GALNT17: variants seen among roughly 807,000 people sequenced by gnomAD.
GALNT17 encodes the protein UDP-GalNAc:polypeptide N-acetylgalactosaminyltransferase-like 3.
GALNT17 carries 29 observed loss-of-function variants against 63.7 expected under a neutral mutation model. The ratio of observed to expected loss-of-function variants is 0.46; its 90% CI spans 0.34 to 0.62. The LOEUF is 0.62. GALNT17 is among the 20% of genes least tolerant of loss of function. The pLI, the probability that GALNT17 is intolerant of heterozygous loss-of-function variation, is 0.01. For missense variants in GALNT17, 603 were observed against 799.6 expected (o/e 0.75, Z 2.97); for synonymous variants, 305 against 318.3 (o/e 0.96, Z 0.45).
chr7:71,647,770 C>T (rs1448122760), intron 6 of GALNT17, among the ~76,000 whole-genome samples: 1 of 152,222 alleles, frequency 6.6e-6, no homozygotes, highest in Non-Finnish European at 1.5e-5. Flanking sequence ...CACCACCTGA[C>T]AGCAGTTCCA....
intron 6 of GALNT17, among the ~76,000 whole-genome samples, chr7:71,596,326 C>T (rs879498634): frequency 7.2e-5 from 11 of 152,126 alleles, no homozygotes; most frequent in Non-Finnish European, 1.5e-4. Context: ...GCGTGAGCCA[C>T]TGCACCTGGC....
rs565888559 is a variant in GALNT17 at position 71,608,053 on chromosome 7, C to T, written c.1080+36651C>T. Among the ~76,000 whole-genome samples the T allele has an allele frequency of 2.0e-5, 3 of 152,260 alleles. No homozygotes were observed. In the South Asian group the frequency reaches 6.2e-4, roughly 32 times the overall value. On this transcript the variant is annotated intron_variant, in intron 6 of 10. Transcript: ENST00000333538. ...TGACTCAGGGATCCAATCTGCATCC[C>T]ACTTACATGACATAGGGAGCCCATA...
chr7:71,281,873 T>C (rs1164619291), intron 1 of GALNT17, among the ~76,000 whole-genome samples: 1 of 152,230 alleles, frequency 6.6e-6, no homozygotes, highest in African/African-American at 2.4e-5. Context: ...AAGTGACCCA[T>C]AGATTTCAGG....
At chr7:71,616,710 T>TGTA (rs111057127) in intron 6 of GALNT17, among the ~76,000 whole-genome samples, 130,557 of 139,436 alleles carry the variant, frequency 0.94, 61,736 homozygotes, top group East Asian at 1. Flanking sequence ...TTGTGATTGA[T>TGTA]GTATATAATA....
At position 71,391,052 on chromosome 7, in the gene GALNT17, A is replaced by G. The variant is rs111419255; in HGVS notation, c.589+2651A>G. ...TTACTAGCATGTGGTGTGTCTGCAC[A>G]GTGGACTCTCTGAACTGGGTGGGAT... On this transcript the variant is annotated intron_variant, in intron 3 of 10. Coordinates refer to ENST00000333538, the MANE Select transcript of GALNT17 (RefSeq NM_022479.3). 1.3e-3 allele frequency among the ~76,000 whole-genome samples: 203 copies of G among 152,312 alleles called. 2 individuals are homozygous for G. Among genetic ancestry groups the G allele is most frequent in the East Asian group, 3.7e-3 (19 of 5,176 alleles).
intron 3 of GALNT17, among the ~76,000 whole-genome samples, chr7:71,397,377 T>C (rs1206391448): frequency 6.6e-6 from 1 of 152,074 alleles, no homozygotes; most frequent in Admixed American, 6.6e-5. Flanking sequence ...CTTCTGATCT[T>C]ATCAAGACCT....
rs79635265 is a variant in GALNT17, at chr7:71,662,131, G to A, written c.1081-3280G>A. ...ATAGTGCCAAGTCAGACTGGCTTGTGGGTTCTGTTCCCACTTGGCACCTGT... is the reference window on the plus strand; with the variant it reads ...ATAGTGCCAAGTCAGACTGGCTTGTAGGTTCTGTTCCCACTTGGCACCTGT... On this transcript the variant is annotated intron_variant, in intron 6 of 10. Transcript: ENST00000333538. Among the ~76,000 whole-genome samples the A allele has an allele frequency of 5.0e-3, 767 of 152,192 alleles. 11 individuals are homozygous for A. Among genetic ancestry groups the A allele is most frequent in the African/African-American group, 0.017 (721 of 41,532 alleles).
chr7:71,408,143 A>G (rs893272718), intron 3 of GALNT17, among the ~76,000 whole-genome samples: 2 of 152,212 alleles, frequency 1.3e-5, no homozygotes, highest in African/African-American at 4.8e-5. Context: ...GGTGCTGGCC[A>G]GTTCCACTAA....
At chr7:71,421,169 TGAGAGAGG>T in intron 5 of GALNT17, 64 bp downstream of exon 5, 1 of 1,570,058 alleles carries the variant, frequency 6.4e-7, no homozygotes. Context: ...AAGGAGCTAC[TGAGAGAGG>T]CCAGGAAAGC....
chr7:71,185,004 TTCCC>T (rs1369814775), intron 1 of GALNT17, among the ~76,000 whole-genome samples: 17 of 122,914 alleles, frequency 1.4e-4, no homozygotes, highest in African/African-American at 4.9e-4. Flanking sequence ...TCCTTCTTCC[TTCCC>T]TCCCTCCCTC....
In GALNT17 at chr7:71,712,159, G is replaced by A; in HGVS notation, c.*13G>A. ...CTCCATCAAGTAGAGGGAGGGAGCT[G>A]GGGCACTGGAGCCTGGCCCCCAGGA... On this transcript the variant is annotated 3_prime_UTR_variant, in exon 11 of 11. Coordinates refer to ENST00000333538, the MANE Select transcript of GALNT17 (RefSeq NM_022479.3). 6 of 1,609,166 alleles carry A rather than the reference G, an allele frequency of 3.7e-6. No individual in the cohort carries two copies. The East Asian group carries it at 1.3e-4, about 36-fold the overall frequency.
rs571956760 is a variant in GALNT17, at chr7:71,614,943, G to A, written c.1080+43541G>A. Among the ~76,000 whole-genome samples, 6 of 152,130 alleles carry A rather than the reference G, an allele frequency of 3.9e-5. No individual in the cohort carries two copies. In the Middle Eastern group the frequency reaches 0.01, roughly 259 times the overall value. Reference sequence around the variant, plus strand: ...AAATAAGCAAAAAAAACCACTTCTGGTCTCAAGCACTTCGAATAAGGGATA... The same window carrying A: ...AAATAAGCAAAAAAAACCACTTCTGATCTCAAGCACTTCGAATAAGGGATA... On this transcript the variant is annotated intron_variant, in intron 6 of 10. Coordinates refer to ENST00000333538, the MANE Select transcript of GALNT17 (RefSeq NM_022479.3).
chr7:71,555,922 C>T (rs1789156698), intron 5 of GALNT17, among the ~76,000 whole-genome samples: 1 of 152,188 alleles, frequency 6.6e-6, no homozygotes, highest in South Asian at 2.1e-4. Context: ...ATTGCTTCAG[C>T]AGTTAACGTC....
At chr7:71,327,097 T>A (rs1283537136) in intron 1 of GALNT17, among the ~76,000 whole-genome samples, 1 of 152,238 alleles carries the variant, frequency 6.6e-6, no homozygotes, top group Non-Finnish European at 1.5e-5. Context: ...TTTTAAGAAC[T>A]CTTTGTGTGT....
intron 1 of GALNT17, among the ~76,000 whole-genome samples, chr7:71,329,915 GTA>G (rs142627083): frequency 4.9e-4 from 71 of 143,678 alleles, no homozygotes; most frequent in African/African-American, 1.7e-3. Context: ...ATATATATAT[GTA>G]TGTGTGTGTG....
chr7:71,445,182 T>C (rs1787139075), intron 5 of GALNT17, among the ~76,000 whole-genome samples: 1 of 146,746 alleles, frequency 6.8e-6, no homozygotes, highest in African/African-American at 2.5e-5. Flanking sequence ...TTTCTTTCTT[T>C]TTTTTTTTTT....
intron 1 of GALNT17, among the ~76,000 whole-genome samples, chr7:71,184,444 A>T (rs1033044488): frequency 1.3e-5 from 2 of 152,192 alleles, no homozygotes; most frequent in African/African-American, 4.8e-5. Flanking sequence ...AAAGCTTATC[A>T]TCAGAGCCCA....
chr7:71,677,370 C>A, intron 9 of GALNT17, 64 bp downstream of exon 9: 5 of 1,475,256 alleles, frequency 3.4e-6, no homozygotes, highest in Non-Finnish European at 4.6e-6. Flanking sequence ...AGAGGCCTTG[C>A]AGGCCTTCTG....
chr7:71,173,906 G>GCATTTAT (rs1788589437), intron 1 of GALNT17, among the ~76,000 whole-genome samples: 1 of 152,176 alleles, frequency 6.6e-6, no homozygotes, highest in African/African-American at 2.4e-5. Flanking sequence ...TTCAATAAAT[G>GCATTTAT]CAGTTGAATG....
Sources: allele counts gnomAD v4.1 joint callset (sites outside exome capture counted in the v4.1 genomes callset), GRCh38; gene constraint gnomAD v4.1.1; transcripts MANE v1.5; gene names NCBI Gene and HGNC (gene_info 2026-07-23, HGNC 2026-07-21).